The following ZFR2 variants were observed in gnomAD, a reference collection of about 807,000 sequenced individuals.
ZFR2 encodes the protein zinc finger RNA-binding protein 2.
Under a neutral mutation model 105.7 loss-of-function variants are expected in ZFR2, and 104 were observed. That is an observed-to-expected ratio of 0.98 (90% CI 0.84 to 1.16). ZFR2 has a LOEUF of 1.16. Ranked by LOEUF, ZFR2 falls within the 50% of genes most tolerant of loss-of-function variation. The pLI is 0.00. For synonymous variants in ZFR2, 634 were observed against 597.7 expected (o/e 1.06, Z -0.89); for missense variants, 1,425 against 1,355.5 (o/e 1.05, Z -0.80).
chr19:3,855,434 C>T, intron 1 of ZFR2: 2 of 1,231,666 alleles, frequency 1.6e-6, no homozygotes, highest in South Asian at 8.2e-5. Flanking sequence ...CCGGGCGATC[C>T]GGCGGCAGAT....
intron 6 of ZFR2, among the ~76,000 whole-genome samples, chr19:3,825,632 C>T (rs534567071): frequency 1.9e-4 from 29 of 152,136 alleles, no homozygotes; most frequent in Non-Finnish European, 3.4e-4. Flanking sequence ...TTCTCTAGCA[C>T]GGTGACACTC....
chr19:3,820,365 G>A (rs2037876835), intron 10 of ZFR2, 75 bp from the exon 11 acceptor site: 1 of 1,363,646 alleles, frequency 7.3e-7, no homozygotes, highest in African/African-American at 1.5e-5. Flanking sequence ...AGAAACACTG[G>A]GGCCTTATGC....
At chr19:3,851,977 C>T (rs921402570) in intron 1 of ZFR2, 6 of 214,904 alleles carry the variant, frequency 2.8e-5, no homozygotes, top group Non-Finnish European at 5.7e-5. Flanking sequence ...AAAAGGTCCG[C>T]TGACCTCTGA....
intron 1 of ZFR2, chr19:3,855,485 G>A: frequency 1.6e-6 from 2 of 1,224,382 alleles, no homozygotes; most frequent in Non-Finnish European, 2.0e-6. Flanking sequence ...GTGCTAGTGG[G>A]GACCAGCTGC....
intron 7 of ZFR2, among the ~76,000 whole-genome samples, chr19:3,824,337 C>T (rs1008262317): frequency 1.3e-5 from 2 of 152,092 alleles, no homozygotes; most frequent in African/African-American, 2.4e-5. Flanking sequence ...AAAGAGTTGT[C>T]GTGGAGGTAA....
intron 1 of ZFR2, among the ~76,000 whole-genome samples, chr19:3,863,499 C>G (rs1328105513): frequency 6.6e-6 from 1 of 152,144 alleles, no homozygotes; most frequent in Non-Finnish European, 1.5e-5. Context: ...GCGATCATAG[C>G]TCAATGTAGC....
At position 3,820,288 on chromosome 19, in the gene ZFR2, C is replaced by T. The variant is rs375043381; in HGVS notation, c.1634G>A (p.Arg545Gln). The change falls in exon 11 of 19, where the codon CGG becomes CAG. Residue 545 changes from arginine to glutamine, a missense_variant and splice_region_variant. Physicochemically the swap from Arg to Gln is conservative, Grantham distance 43. Coordinates refer to ENST00000262961, the MANE Select transcript of ZFR2 (RefSeq NM_015174.2). ...GTCCTGGGGTGGCTCCTCCTCCAGC[C>T]GCCTGCAGGACCGAGACGTGACAGA... ...QLRRWHAERR[R>Q]LEEEPPQDVP... 5.0e-5 allele frequency: 77 copies of T among 1,543,896 alleles called. No homozygotes were observed. Among genetic ancestry groups the T allele is most frequent in the Non-Finnish European group, 3.0e-5 (34 of 1,145,928 alleles).
At position 3,868,977 on chromosome 19, in the gene ZFR2, C is replaced by A; in HGVS notation, c.41G>T (p.Gly14Val). ...GCGGGGCAGTTACCTGTACTGCGGG[C>A]CGCCGCCCTGCGCGAAGTCGAAATA... ...SQYFDFAQGG[G>V]PQYSAQPPTL... Residue 14 changes from glycine (G) to valine (V), a missense_variant, in exon 1 of 19, where the codon GGC becomes GTC. Transcript: ENST00000262961. The A allele has an allele frequency of 7.3e-7, 1 of 1,364,276 alleles. No individual in the cohort carries two copies. Among genetic ancestry groups the A allele is most frequent in the South Asian group, 1.8e-5 (1 of 54,368 alleles). 84.5% of individuals were successfully genotyped at this position (1,364,276 alleles called of 1,614,324 possible). A position where few individuals can be genotyped will look rare whatever the true frequency, so the allele number is the denominator to read the frequency against.
intron 8 of ZFR2, among the ~76,000 whole-genome samples, 183 bp from the exon 9 acceptor site, chr19:3,822,383 G>A (rs2037906048): frequency 6.6e-6 from 1 of 151,692 alleles, no homozygotes; most frequent in African/African-American, 2.4e-5. Flanking sequence ...CTCGGTCTTG[G>A]CTCACTGCAG....
chr19:3,861,331 T>G (rs1056102122), intron 1 of ZFR2, among the ~76,000 whole-genome samples: 1 of 152,190 alleles, frequency 6.6e-6, no homozygotes, highest in Non-Finnish European at 1.5e-5. Flanking sequence ...CTGGCAACTT[T>G]AAAATTAAAG....
Position 3,821,483 on chromosome 19 carries a change from G to T in ZFR2, c.1492-4C>A. 1.3e-6 allele frequency: 2 copies of T among 1,597,722 alleles called. No individual in the cohort carries two copies. The highest frequency in any genetic ancestry group is 1.7e-6 in the Non-Finnish European group (2 of 1,169,294). On this transcript the variant is annotated splice_polypyrimidine_tract_variant and splice_region_variant and intron_variant, in intron 9 of 18. Coordinates refer to ENST00000262961, the MANE Select transcript of ZFR2 (RefSeq NM_015174.2). ...GAAGGTCCGGGTTCACTTTCTTCTG[G>T]AAAGGACAGGCAAGGCTCTGAGAGT...
intron 1 of ZFR2, among the ~76,000 whole-genome samples, chr19:3,867,000 GT>G (rs1447670828): frequency 1.3e-5 from 2 of 152,150 alleles, no homozygotes; most frequent in South Asian, 4.1e-4. Flanking sequence ...GCCCTGGGTG[GT>G]TTCTCTTTGT....
At chr19:3,824,234 A>C (rs886103904) in intron 7 of ZFR2, among the ~76,000 whole-genome samples, 11 of 152,200 alleles carry the variant, frequency 7.2e-5, no homozygotes, top group Non-Finnish European at 1.2e-4. Context: ...CAGGAGGTGG[A>C]GGCTGCAGTG....
chr19:3,812,581 G>A (rs2037777202), intron 14 of ZFR2, among the ~76,000 whole-genome samples: 1 of 151,846 alleles, frequency 6.6e-6, no homozygotes, highest in African/African-American at 2.4e-5. Context: ...TCTAGTGGCC[G>A]CCAACCCTTA....
At position 3,808,974 on chromosome 19, in the gene ZFR2, G is replaced by A. The variant is rs1432959304; in HGVS notation, c.2443C>T (p.Leu815=). 2 of 1,557,364 alleles carry A rather than the reference G, an allele frequency of 1.3e-6. No individual in the cohort carries two copies. Among genetic ancestry groups the A allele is most frequent in the Admixed American group, 1.9e-5 (1 of 52,724 alleles). The change falls in exon 17 of 19, where the codon CTG becomes TTG. Residue 815 remains leucine (L), a synonymous_variant. Transcript: ENST00000262961. ...WGALPAWAME[L]LVEKAVSSAA... is the part of the protein sequence containing the mutation. The stretch of plus-strand genomic sequence containing the variant: ...CTGCTCACAGCCTTCTCCACCAGCA[G>A]CTCCATGGCCTGGTGGGGACAGAAG...
At chr19:3,821,983 A>C in intron 9 of ZFR2, 98 bp downstream of exon 9, 1 of 1,470,060 alleles carries the variant, frequency 6.8e-7, no homozygotes, top group East Asian at 2.5e-5. Flanking sequence ...AGTTCGTCGG[A>C]TCACACGCGC....
chr19:3,807,777 C>T (rs556492958), intron 17 of ZFR2, among the ~76,000 whole-genome samples: 13 of 145,046 alleles, frequency 9.0e-5, no homozygotes, highest in South Asian at 6.7e-4. Flanking sequence ...TGTGCCCATG[C>T]GTATGCATGT....
At chr19:3,859,495 C>T (rs545721436) in intron 1 of ZFR2, among the ~76,000 whole-genome samples, 2 of 152,354 alleles carry the variant, frequency 1.3e-5, no homozygotes, top group African/African-American at 4.8e-5. Context: ...AGTCCTGTCC[C>T]TCTAGAGACC....
rs199737498 is a variant in ZFR2 at position 3,827,636 on chromosome 19, C to A, written c.870G>T (p.Leu290=). The change falls in exon 6 of 19, where the codon CTG becomes CTT. Residue 290 remains leucine, a synonymous_variant. Coordinates refer to ENST00000262961, the MANE Select transcript of ZFR2 (RefSeq NM_015174.2). ...CAGPQTYREH[L]GGQKHRKKEA... ...CCTTCTTTCTGTGCTTCTGCCCTCC[C>A]AGATGTTCCCGGTAGGTCTGCGGCA... 263 of 1,582,222 alleles carry A rather than the reference C, an allele frequency of 1.7e-4. 1 individual carries two copies. The African/African-American group carries it at 3.4e-3, about 20-fold the overall frequency.
Sources: gnomAD v4.1 joint callset for allele counts (sites outside exome capture counted in the v4.1 genomes callset) on GRCh38, gnomAD v4.1.1 for gene constraint, MANE v1.5 for transcripts, NCBI Gene and HGNC (gene_info 2026-07-23, HGNC 2026-07-21) for gene names.